GPR141: variants seen among roughly 807,000 people sequenced by gnomAD.
GPR141 encodes probable G protein-coupled receptor 141.
GPR141 carries 6 observed loss-of-function variants against 6.8 expected under a neutral mutation model. That is an observed-to-expected ratio of 0.88 (90% CI 0.48 to 1.74). The LOEUF (loss-of-function observed/expected upper bound fraction) is 1.74, where lower values mean the gene tolerates loss of function less well. GPR141 is among the 40% of genes most tolerant of loss of function. GPR141 has a pLI of 0.01. For synonymous variants in GPR141, 140 were observed against 142.3 expected, an observed-to-expected ratio of 0.98 and a Z score of 0.11; for missense variants, 372 against 372.9, an observed-to-expected ratio of 1.00 and a Z score of 0.02.
chr7:37,740,098 A>C (rs545468717), intron 2 of GPR141, among the ~76,000 whole-genome samples: 47 of 152,080 alleles, frequency 3.1e-4, no homozygotes, highest in Non-Finnish European at 6.0e-4. Context: ...AATCCTCCTG[A>C]AGTTTTATGT....
intron 2 of GPR141, among the ~76,000 whole-genome samples, chr7:37,708,310 CAAAAAAAAA>C (rs66783277): frequency 1.7e-4 from 10 of 59,776 alleles, no homozygotes; most frequent in South Asian, 1.0e-3. Flanking sequence ...AAATTGCTGG[CAAAAAAAAA>C]AAAAAAAAAA....
chr7:37,727,558 G>C (rs1443104713), intron 2 of GPR141, among the ~76,000 whole-genome samples: 2 of 152,014 alleles, frequency 1.3e-5, no homozygotes, highest in East Asian at 3.8e-4. Flanking sequence ...CTTTTGTCTG[G>C]GAAATTTGGT....
At chr7:37,726,579 C>A (rs986020318) in intron 2 of GPR141, among the ~76,000 whole-genome samples, 1 of 151,978 alleles carries the variant, frequency 6.6e-6, no homozygotes, top group African/African-American at 2.4e-5. Flanking sequence ...ACCCAGATTC[C>A]CCAATTGTAA....
At position 37,733,894 on chromosome 7, in the gene GPR141, G is replaced by A. The variant is rs754903642; in HGVS notation, c.-14-6486G>A. Among the ~76,000 whole-genome samples, 11 of 152,082 alleles carry A rather than the reference G, an allele frequency of 7.2e-5. No individual in the cohort carries two copies. In the East Asian group the frequency reaches 7.7e-4, roughly 11 times the overall value. ...TCTCATAAATTAATCAATATTGGCC[G>A]AGTATCGTGCCCCATGCCTGTAATC... On this transcript the variant is annotated intron_variant, in intron 2 of 2. Coordinates refer to ENST00000334425, the MANE Select transcript of GPR141 (RefSeq NM_001381946.1).
chr7:37,709,535 T>G (rs1050833462), intron 2 of GPR141, among the ~76,000 whole-genome samples: 1 of 152,186 alleles, frequency 6.6e-6, no homozygotes, highest in Non-Finnish European at 1.5e-5. Context: ...TTGCCACATA[T>G]GGCCAAAGTG....
At position 37,720,695 on chromosome 7, in the gene GPR141, T is replaced by C. The variant is rs554459120; in HGVS notation, c.-14-19685T>C. Among the ~76,000 whole-genome samples, 4 of 146,652 alleles carry C rather than the reference T, an allele frequency of 2.7e-5. No homozygotes were observed. In the Admixed American group the frequency reaches 2.8e-4, roughly 10 times the overall value. ...GGCGGAGCTTGCAGTGAGCTGAGAT[T>C]GCGCCACTGCACTCCAGGCTGGGCA... is the stretch of plus-strand genomic sequence containing the variant. On this transcript the variant is annotated intron_variant, in intron 2 of 2. Transcript: ENST00000334425.
chr7:37,726,960 T>C (rs1161593775), intron 2 of GPR141, among the ~76,000 whole-genome samples: 1 of 152,214 alleles, frequency 6.6e-6, no homozygotes, highest in Non-Finnish European at 1.5e-5. Context: ...GTAAGATTTT[T>C]CACGTATGCA....
At chr7:37,699,714 TA>T (rs1810194319) in intron 2 of GPR141, among the ~76,000 whole-genome samples, 1 of 152,260 alleles carries the variant, frequency 6.6e-6, no homozygotes, top group African/African-American at 2.4e-5. Flanking sequence ...CTTGGATTTT[TA>T]AAAATGTATT....
chr7:37,704,947 CACTA>C (rs1457853962), intron 2 of GPR141, among the ~76,000 whole-genome samples: 2 of 152,144 alleles, frequency 1.3e-5, no homozygotes, highest in Non-Finnish European at 2.9e-5. Context: ...CCGAGGTCAA[CACTA>C]ACTGACTCTG....
intron 2 of GPR141, among the ~76,000 whole-genome samples, chr7:37,733,482 G>A (rs548306698): frequency 4.0e-5 from 6 of 151,882 alleles, no homozygotes; most frequent in Non-Finnish European, 8.8e-5. Flanking sequence ...GAAGAGCCTG[G>A]ACAAAATGGT....
At chr7:37,700,771 A>C (rs1350055558) in intron 2 of GPR141, among the ~76,000 whole-genome samples, 4 of 152,226 alleles carry the variant, frequency 2.6e-5, no homozygotes, top group African/African-American at 9.7e-5. Context: ...TCTATGGATA[A>C]ATATGGAAGA....
chr7:37,700,596 A>G (rs1452659698), intron 2 of GPR141, among the ~76,000 whole-genome samples: 1 of 152,204 alleles, frequency 6.6e-6, no homozygotes, highest in Non-Finnish European at 1.5e-5. Flanking sequence ...AATGTGGAAA[A>G]CAAATACAAA....
chr7:37,731,994 C>A (rs1811968250), intron 2 of GPR141, among the ~76,000 whole-genome samples: 1 of 151,456 alleles, frequency 6.6e-6, no homozygotes, highest in Admixed American at 6.6e-5. Flanking sequence ...TAGAAAGAAG[C>A]AAAGTAAAGA....
rs1393897310 is a variant in GPR141, at chr7:37,742,965, TTTCAAGAAC to T, written c.*1658_*1666del. Among the ~76,000 whole-genome samples the T allele has an allele frequency of 8.5e-5, 13 of 152,210 alleles. No individual in the cohort carries two copies. Among genetic ancestry groups the T allele is most frequent in the Admixed American group, 8.5e-4 (13 of 15,276 alleles). ...CATGTGGCACGTTAAACTGATTTTA[TTTCAAGAAC>T]TTCTGTTACTGGCTAGGTTGATACA... is the stretch of plus-strand genomic sequence containing the variant. On this transcript the variant is annotated 3_prime_UTR_variant, in exon 3 of 3. Coordinates refer to ENST00000334425, the MANE Select transcript of GPR141 (RefSeq NM_001381946.1).
intron 2 of GPR141, among the ~76,000 whole-genome samples, chr7:37,694,553 G>A (rs983590267): frequency 3.3e-5 from 5 of 152,218 alleles, no homozygotes; most frequent in Admixed American, 2.6e-4. Context: ...GTCCATTTGT[G>A]TTGCAATGAA....
In GPR141 at chr7:37,700,206, G is replaced by T. The variant is rs568208987; in HGVS notation, c.-15+14623G>T. 2.6e-5 allele frequency among the ~76,000 whole-genome samples: 4 copies of T among 152,206 alleles called. No individual in the cohort carries two copies. The South Asian group carries it at 6.2e-4, about 24-fold the overall frequency. On this transcript the variant is annotated intron_variant, in intron 2 of 2. Transcript: ENST00000334425. ...ATCTTGGATTATCTTCTGAATCATC[G>T]AACTAAAATGATGTGATCAGATTGA...
At chr7:37,716,956 C>T (rs2131804195) in intron 2 of GPR141, among the ~76,000 whole-genome samples, 1 of 152,262 alleles carries the variant, frequency 6.6e-6, no homozygotes, top group South Asian at 2.1e-4. Flanking sequence ...TGCCAAGGGG[C>T]TGAGGGTGTT....
At chr7:37,739,531 TTTA>T (rs2131865687) in intron 2 of GPR141, among the ~76,000 whole-genome samples, 1 of 152,242 alleles carries the variant, frequency 6.6e-6, no homozygotes, top group South Asian at 2.1e-4. Flanking sequence ...GTTGAAGGGA[TTTA>T]GATAGGAAAC....
chr7:37,691,734 C>G (rs184253514), intron 2 of GPR141, among the ~76,000 whole-genome samples: 3 of 152,096 alleles, frequency 2.0e-5, no homozygotes, highest in African/African-American at 7.2e-5. Context: ...CTTAGTTTTT[C>G]TTTGTCTGGG....
Sources: gnomAD v4.1 joint callset for allele counts (sites outside exome capture counted in the v4.1 genomes callset) on GRCh38, gnomAD v4.1.1 for gene constraint, MANE v1.5 for transcripts, NCBI Gene and HGNC (gene_info 2026-07-23, HGNC 2026-07-21) for gene names.